Variants in TMEM132C observed in about 807,000 individuals in gnomAD.
TMEM132C encodes the protein protein phosphatase 1, regulatory subunit 152.
A neutral mutation model predicts 61.4 loss-of-function variants in TMEM132C; 29 were observed. The ratio of observed to expected loss-of-function variants is 0.47; its 90% CI spans 0.35 to 0.64. The LOEUF (loss-of-function observed/expected upper bound fraction) is 0.64. Among genes scored for constraint, TMEM132C ranks in the 30% least tolerant of loss-of-function variants. The pLI is 0.00. For synonymous variants in TMEM132C, 656 were observed against 633.1 expected, an observed-to-expected ratio of 1.04 and a Z score of -0.54; for missense variants, 1,408 against 1,476.9, an observed-to-expected ratio of 0.95 and a Z score of 0.76.
At chr12:128,494,150 G>A (rs991518768) in intron 2 of TMEM132C, among the ~76,000 whole-genome samples, 5 of 152,246 alleles carry the variant, frequency 3.3e-5, no homozygotes, top group African/African-American at 1.2e-4. Context: ...GCTGGATTAT[G>A]TTTATTGATT....
intron 4 of TMEM132C, among the ~76,000 whole-genome samples, chr12:128,636,090 G>T (rs1446926054): frequency 6.6e-6 from 1 of 152,100 alleles, no homozygotes; most frequent in African/African-American, 2.4e-5. Flanking sequence ...TCACTCTGTT[G>T]CCCAGGCTGG....
chr12:128,552,801 A>G (rs1478045777), intron 3 of TMEM132C, among the ~76,000 whole-genome samples: 1 of 152,088 alleles, frequency 6.6e-6, no homozygotes, highest in African/African-American at 2.4e-5. Context: ...CCAGCTACTC[A>G]GGAGGCTAAG....
intron 1 of TMEM132C, among the ~76,000 whole-genome samples, chr12:128,357,404 G>A (rs990560880): frequency 2.0e-5 from 3 of 152,130 alleles, no homozygotes; most frequent in Admixed American, 2.0e-4. Flanking sequence ...GCTAAATTAA[G>A]AGGGAGCCCA....
intron 1 of TMEM132C, among the ~76,000 whole-genome samples, chr12:128,381,237 C>T (rs759675047): frequency 3.9e-5 from 6 of 152,250 alleles, no homozygotes; most frequent in African/African-American, 1.2e-4. Context: ...GGGGAATGCC[C>T]GTGAAAGTAC....
At position 128,271,413 on chromosome 12, in the gene TMEM132C, T is replaced by C. The variant is rs867295319; in HGVS notation, c.85+3926T>C. ...TGTACTCTGTAACTGTATATACATT[T>C]TATCTGTCCATTATAAAAAAGATTT... is the stretch of plus-strand genomic sequence containing the variant. On this transcript the variant is annotated intron_variant, in intron 1 of 8. Coordinates refer to ENST00000435159, the MANE Select transcript of TMEM132C (RefSeq NM_001136103.3). Among the ~76,000 whole-genome samples the C allele has an allele frequency of 5.3e-5, 8 of 152,176 alleles. No individual in the cohort carries two copies. The Middle Eastern group carries it at 0.01, about 194-fold the overall frequency.
chr12:128,512,967 C>T (rs1248192228), intron 2 of TMEM132C, among the ~76,000 whole-genome samples: 1 of 152,160 alleles, frequency 6.6e-6, no homozygotes, highest in African/African-American at 2.4e-5. Context: ...CCAGGGGGTA[C>T]AGCAACACCG....
At chr12:128,518,087 A>G (rs1309237024) in intron 2 of TMEM132C, among the ~76,000 whole-genome samples, 1 of 152,188 alleles carries the variant, frequency 6.6e-6, no homozygotes, top group African/African-American at 2.4e-5. Flanking sequence ...TTTCTCTTTT[A>G]TTAGAATCGA....
At chr12:128,457,575 CAA>C (rs61228190) in intron 2 of TMEM132C, among the ~76,000 whole-genome samples, 20 of 89,066 alleles carry the variant, frequency 2.2e-4, no homozygotes, top group Non-Finnish European at 1.7e-4. Context: ...GACTCCATCT[CAA>C]AAAAAAAAAA....
At chr12:128,659,523 C>A (rs1006503432) in intron 4 of TMEM132C, among the ~76,000 whole-genome samples, 1 of 152,218 alleles carries the variant, frequency 6.6e-6, no homozygotes, top group Admixed American at 6.5e-5. Flanking sequence ...GGAGACCAAG[C>A]AAGACACCCT....
chr12:128,374,250 C>T (rs1874117054), intron 1 of TMEM132C, among the ~76,000 whole-genome samples: 1 of 152,110 alleles, frequency 6.6e-6, no homozygotes. Flanking sequence ...CTAGGACCCT[C>T]CATGGTGGAG....
intron 1 of TMEM132C, among the ~76,000 whole-genome samples, chr12:128,358,849 A>T (rs1390418508): frequency 6.6e-6 from 1 of 152,184 alleles, no homozygotes; most frequent in African/African-American, 2.4e-5. Flanking sequence ...CCATATACTC[A>T]TGTTAACTGA....
chr12:128,315,747 C>G (rs915594945), intron 1 of TMEM132C, among the ~76,000 whole-genome samples: 3 of 151,966 alleles, frequency 2.0e-5, no homozygotes, highest in Non-Finnish European at 4.4e-5. Context: ...AGGTGGGCCC[C>G]TAATCCAGTG....
rs1870368084 is a variant in TMEM132C at position 128,267,907 on chromosome 12, C to T, written c.85+420C>T. Among the ~76,000 whole-genome samples, 3 of 152,348 alleles carry T rather than the reference C, an allele frequency of 2.0e-5. No individual in the cohort carries two copies. The South Asian group carries it at 6.2e-4, about 32-fold the overall frequency. Reference sequence around the variant, plus strand: ...CTCCTTCCTCCCGGCTGTGTGCTCCCTGTCCACAGCTCCCCATCCACAGCT... The same window carrying T: ...CTCCTTCCTCCCGGCTGTGTGCTCCTTGTCCACAGCTCCCCATCCACAGCT... On this transcript the variant is annotated intron_variant, in intron 1 of 8. Transcript: ENST00000435159.
chr12:128,646,073 G>T (rs1954195210), intron 4 of TMEM132C, among the ~76,000 whole-genome samples: 1 of 150,106 alleles, frequency 6.7e-6, no homozygotes, highest in Middle Eastern at 3.8e-3. Context: ...ATCAGCATTG[G>T]ATGAGTGTGT....
rs139028682 is a variant in TMEM132C at position 128,551,346 on chromosome 12, A to G, written c.1121+7243A>G. On this transcript the variant is annotated intron_variant, in intron 3 of 8. Coordinates refer to ENST00000435159, the MANE Select transcript of TMEM132C (RefSeq NM_001136103.3). ...TGTAACCTAGAACCTCTGAAAGACC[A>G]GGGTTGTTATGGTCCTGAAACCATC... Among the ~76,000 whole-genome samples the G allele has an allele frequency of 4.4e-3, 666 of 152,188 alleles. 6 individuals are homozygous for G. Among genetic ancestry groups the G allele is most frequent in the African/African-American group, 0.015 (618 of 41,508 alleles).
At chr12:128,418,242 C>T (rs190009156) in intron 2 of TMEM132C, among the ~76,000 whole-genome samples, 7 of 152,300 alleles carry the variant, frequency 4.6e-5, no homozygotes, top group African/African-American at 1.2e-4. Flanking sequence ...TCAGGCGTGT[C>T]GGAATTCAAC....
chr12:128,275,816 A>G (rs1870670149), intron 1 of TMEM132C, among the ~76,000 whole-genome samples: 1 of 152,204 alleles, frequency 6.6e-6, no homozygotes, highest in Non-Finnish European at 1.5e-5. Context: ...TAATGTAACA[A>G]AAATTGGTCC....
At chr12:128,606,698 G>C (rs905236475) in intron 3 of TMEM132C, among the ~76,000 whole-genome samples, 26 of 152,066 alleles carry the variant, frequency 1.7e-4, no homozygotes, top group African/African-American at 5.8e-4. Context: ...CTTTCTACCT[G>C]CCTGGCTTCC....
chr12:128,438,123 A>G (rs1869662085), intron 2 of TMEM132C: 1 of 152,162 alleles, frequency 6.6e-6, no homozygotes, highest in African/African-American at 2.4e-5. Flanking sequence ...AGGCACAGTA[A>G]TATCAGTCAG....
Sources: gnomAD v4.1 joint callset for allele counts (sites outside exome capture counted in the v4.1 genomes callset) on GRCh38, gnomAD v4.1.1 for gene constraint, MANE v1.5 for transcripts, NCBI Gene and HGNC (gene_info 2026-07-23, HGNC 2026-07-21) for gene names.